The following FGF13 variants were observed in gnomAD, a reference collection of about 807,000 sequenced individuals.
FGF13 encodes the protein fibroblast growth factor homologous factor 2.
A neutral mutation model predicts 19.5 loss-of-function variants in FGF13; 2 were observed. The ratio of observed to expected loss-of-function variants is 0.10; its 90% CI spans 0.04 to 0.32. FGF13 has a LOEUF of 0.32. Among genes scored for constraint, FGF13 ranks in the 10% least tolerant of loss-of-function variants. FGF13 has a pLI of 1.00. For missense variants in FGF13, 113 were observed against 192.7 expected (o/e 0.59, Z 2.45); for synonymous variants, 72 against 76.9 (o/e 0.94, Z 0.33).
chrX:138,820,399 C>A (rs998390697), intron 3 of FGF13, among the ~76,000 whole-genome samples: 1 of 111,970 alleles, frequency 8.9e-6, no homozygotes, highest in African/African-American at 3.2e-5. Flanking sequence ...TCCTCATCCT[C>A]TAGGACATAG....
chrX:138,887,609 G>C (rs1385035001), intron 1 of FGF13, among the ~76,000 whole-genome samples: 3 of 111,794 alleles, frequency 2.7e-5, no homozygotes, highest in African/African-American at 9.8e-5. Context: ...CTAGAGGGGA[G>C]AGACAATATA....
intron 3 of FGF13, among the ~76,000 whole-genome samples, chrX:138,645,694 C>T (rs1288602713): frequency 8.9e-6 from 1 of 112,086 alleles, no homozygotes; most frequent in African/African-American, 3.2e-5. Context: ...GGTATAAAAA[C>T]TGGTGGTGGT....
intron 1 of FGF13, among the ~76,000 whole-genome samples, chrX:138,896,228 G>T (rs1373981253): frequency 2.9e-5 from 3 of 103,440 alleles, no homozygotes; most frequent in Non-Finnish European, 5.7e-5. Context: ...TCCACAATTT[G>T]TGTGTGTGTG....
At chrX:139,125,136 A>G (rs1431984141) in intron 1 of FGF13, among the ~76,000 whole-genome samples, 2 of 112,200 alleles carry the variant, frequency 1.8e-5, no homozygotes, top group Non-Finnish European at 3.8e-5. Context: ...AATCAATTAA[A>G]ATCAATTATG....
intron 1 of FGF13, among the ~76,000 whole-genome samples, chrX:138,963,670 T>C (rs1362680296): frequency 8.9e-6 from 1 of 112,458 alleles, no homozygotes; most frequent in Non-Finnish European, 1.9e-5. Flanking sequence ...CTTGAATTCC[T>C]GGGCTCAAGA....
chrX:138,756,689 G>A (rs2090433520), intron 3 of FGF13, among the ~76,000 whole-genome samples: 1 of 111,974 alleles, frequency 8.9e-6, no homozygotes, highest in Non-Finnish European at 1.9e-5. Context: ...TCAGACCGCA[G>A]CCTTCAGGAA....
intron 3 of FGF13, among the ~76,000 whole-genome samples, chrX:138,675,520 ATTC>A (rs1178536515): frequency 2.7e-5 from 3 of 111,584 alleles, no homozygotes; most frequent in Non-Finnish European, 1.9e-5. Flanking sequence ...TGAAAGAAAA[ATTC>A]TTTTGCTAAT....
intron 1 of FGF13, among the ~76,000 whole-genome samples, chrX:139,014,655 C>T (rs918469442): frequency 9.0e-6 from 1 of 110,990 alleles, no homozygotes; most frequent in African/African-American, 3.3e-5. Flanking sequence ...AAAACTAACA[C>T]CTATCCTACC....
intron 1 of FGF13, among the ~76,000 whole-genome samples, chrX:139,024,084 A>AGGGCT (rs751994049): frequency 9.0e-6 from 1 of 110,818 alleles, no homozygotes; most frequent in Non-Finnish European, 1.9e-5. Context: ...TTTTTCCAGA[A>AGGGCT]GGGCTGGGTC....
chrX:138,886,226 A>C (rs59433475), intron 1 of FGF13, among the ~76,000 whole-genome samples: 11,463 of 111,594 alleles, frequency 0.1, 1,434 homozygotes, highest in African/African-American at 0.35. Flanking sequence ...AAAAAAGACC[A>C]AAGCCCCTAC....
intron 1 of FGF13, among the ~76,000 whole-genome samples, chrX:139,074,561 A>C (rs1366153823): frequency 8.9e-6 from 1 of 112,224 alleles, no homozygotes; most frequent in Non-Finnish European, 1.9e-5. Context: ...ACAGCTGCCT[A>C]AATAGTCACC....
At position 139,088,413 on chromosome X, in the gene FGF13, G is replaced by A. The variant is rs146900619; in HGVS notation, c.-113+115003C>T. On this transcript the variant is annotated intron_variant, in intron 1 of 2. Transcript: ENST00000421460. The stretch of plus-strand genomic sequence containing the variant: ...TCTATTTGTTAACATATCCCAATCT[G>A]TGCAAATAATCAATTTTGAACCAAG... Among the ~76,000 whole-genome samples the A allele has an allele frequency of 5.0e-3, 553 of 110,945 alleles. 5 individuals are homozygous for A. Among genetic ancestry groups the A allele is most frequent in the African/African-American group, 0.018 (540 of 30,508 alleles).
At chrX:138,714,621 G>C (rs982415967), upstream of FGF13, 1 of 111,848 alleles carries the variant, frequency 8.9e-6, no homozygotes, top group Non-Finnish European at 1.9e-5. Context: ...CTCCAGCCTG[G>C]GCGATAAGAG....
intron 3 of FGF13, among the ~76,000 whole-genome samples, chrX:138,658,099 T>C (rs1306806575): frequency 8.9e-6 from 1 of 112,023 alleles, no homozygotes; most frequent in Non-Finnish European, 1.9e-5. Context: ...AGCCAACAAG[T>C]GAAGTTGAGC....
chrX:139,066,804 C>G (rs1290082273), intron 1 of FGF13, among the ~76,000 whole-genome samples: 2 of 110,461 alleles, frequency 1.8e-5, no homozygotes, highest in African/African-American at 3.3e-5. Context: ...GATACCAAAG[C>G]CTGGCAGAGA....
intron 3 of FGF13, among the ~76,000 whole-genome samples, chrX:138,774,449 G>C (rs919103446): frequency 9.0e-6 from 1 of 111,491 alleles, no homozygotes; most frequent in Admixed American, 9.6e-5. Context: ...GGAAACTGAG[G>C]AATAGAAAAG....
intron 3 of FGF13, among the ~76,000 whole-genome samples, chrX:138,808,040 A>T: frequency 9.0e-6 from 1 of 111,532 alleles, no homozygotes; most frequent in Non-Finnish European, 1.9e-5. Flanking sequence ...AACGAGACAG[A>T]AAGTTAACAA....
intron 2 of FGF13, among the ~76,000 whole-genome samples, chrX:138,861,135 G>A (rs1223865966): frequency 8.9e-6 from 1 of 112,354 alleles, no homozygotes; most frequent in Non-Finnish European, 1.9e-5. Context: ...TTGCATCTAG[G>A]TTTGGTTTCT....
At chrX:138,815,587 T>C (rs747101362) in intron 3 of FGF13, among the ~76,000 whole-genome samples, 10 of 110,076 alleles carry the variant, frequency 9.1e-5, no homozygotes, top group Non-Finnish European at 1.5e-4. Flanking sequence ...TATGGAACTT[T>C]AGTATATAAT....
Sources: allele counts gnomAD v4.1 joint callset (sites outside exome capture counted in the v4.1 genomes callset), GRCh38; gene constraint gnomAD v4.1.1; transcripts MANE v1.5; gene names NCBI Gene and HGNC (gene_info 2026-07-23, HGNC 2026-07-21).